Variants in MYO9A observed in about 807,000 individuals in gnomAD.
The protein encoded by MYO9A is unconventional myosin-IXa.
In MYO9A, 103 loss-of-function variants were observed where a neutral mutation model predicts 293.3. That is an observed-to-expected ratio of 0.35 (90% CI 0.30 to 0.41). The LOEUF (loss-of-function observed/expected upper bound fraction) is 0.41, where lower values mean the gene tolerates loss of function less well. Ranked by LOEUF, MYO9A falls within the 10% of genes least tolerant of loss-of-function variation. The probability of loss-of-function intolerance (pLI) is 1.00; values close to 1 mark genes in which losing one functional copy is unlikely to be tolerated. For synonymous variants in MYO9A, 1,001 were observed against 1,035.7 expected, an observed-to-expected ratio of 0.97 and a Z score of 0.64; for missense variants, 2,685 against 3,033.0, an observed-to-expected ratio of 0.89 and a Z score of 2.69.
chr15:72,003,077 C>G (rs1191004366), intron 8 of MYO9A, among the ~76,000 whole-genome samples: 1 of 151,754 alleles, frequency 6.6e-6, no homozygotes, highest in East Asian at 1.9e-4. Flanking sequence ...CGAGACCAGC[C>G]TGACCAATAT....
chr15:71,947,910 C>T (rs2058958574), intron 15 of MYO9A, among the ~76,000 whole-genome samples: 2 of 152,190 alleles, frequency 1.3e-5, no homozygotes, highest in South Asian at 2.1e-4. Flanking sequence ...TCTAGGGCTC[C>T]TGTCATTTCT....
chr15:72,028,218 A>AATATATATATATATAT lies in MYO9A; in HGVS notation c.936-441_936-426dup, dbSNP rs33914430. The stretch of plus-strand genomic sequence containing the variant: ...TCTCAAAAAAATAAATAAATAAATA[A>AATATATATATATATAT]ATATATATATATATATATATAAATA... On this transcript the variant is annotated intron_variant, in intron 3 of 41. Coordinates refer to ENST00000356056, the MANE Select transcript of MYO9A (RefSeq NM_006901.4). 6.0e-5 allele frequency among the ~76,000 whole-genome samples: 8 copies of AATATATATATATATAT among 134,240 alleles called. No homozygotes were observed. In the South Asian group the frequency reaches 9.4e-4, roughly 16 times the overall value. The allele number at this position is 134,240 out of a possible 152,430, so 88.1% of individuals were successfully genotyped here. A position where few individuals can be genotyped will look rare whatever the true frequency, so the allele number is the denominator to read the frequency against.
At chr15:71,884,727 A>G (rs906309602) in intron 27 of MYO9A, among the ~76,000 whole-genome samples, 6 of 152,118 alleles carry the variant, frequency 3.9e-5, no homozygotes, top group Admixed American at 6.6e-5. Flanking sequence ...TTATTTGTAA[A>G]TTAATTTATC....
chr15:72,117,923 G>A lies in MYO9A; in HGVS notation c.-315C>T, dbSNP rs545074339. On this transcript the variant is annotated 5_prime_UTR_variant, in exon 1 of 42. Transcript: ENST00000356056. Reference sequence around the variant, plus strand: ...CACATCCCCCGCCGCACCCCGCCCAGAGAGCACGCGTTGGACCGCCGCCTC... The same window carrying A: ...CACATCCCCCGCCGCACCCCGCCCAAAGAGCACGCGTTGGACCGCCGCCTC... 4 of 399,008 alleles carry A rather than the reference G, an allele frequency of 1.0e-5. No homozygotes were observed. Among genetic ancestry groups the A allele is most frequent in the African/African-American group, 8.2e-5 (4 of 48,722 alleles). The allele number at this position is 399,008 out of a possible 1,614,324, so 24.7% of individuals were successfully genotyped here. A position where few individuals can be genotyped will look rare whatever the true frequency, so the allele number is the denominator to read the frequency against.
intron 25 of MYO9A, 139 bp downstream of exon 25, chr15:71,897,322 A>G (rs1417783886): frequency 3.3e-6 from 3 of 915,344 alleles, no homozygotes; most frequent in Non-Finnish European, 4.9e-6. Context: ...TAGAGTCAAC[A>G]ATTAGGGAAT....
At position 72,075,319 on chromosome 15, in the gene MYO9A, T is replaced by C. The variant is rs534524044; in HGVS notation, c.-71-28685A>G. ...ACATATAATAAAAATTACAGGATAG[T>C]CAGTCATGAAAATGTGACTTATAGG... is the stretch of plus-strand genomic sequence containing the variant. On this transcript the variant is annotated intron_variant, in intron 1 of 41. Coordinates refer to ENST00000356056, the MANE Select transcript of MYO9A (RefSeq NM_006901.4). Among the ~76,000 whole-genome samples the C allele has an allele frequency of 1.2e-4, 18 of 152,140 alleles. No individual in the cohort carries two copies. The South Asian group carries it at 1.9e-3, about 16-fold the overall frequency.
chr15:71,933,283 A>G (rs1459932390), intron 18 of MYO9A, among the ~76,000 whole-genome samples: 1 of 152,162 alleles, frequency 6.6e-6, no homozygotes, highest in East Asian at 1.9e-4. Flanking sequence ...AAACCTGGCA[A>G]ACATTTATTA....
At chr15:72,057,263 C>T (rs2078748745) in intron 1 of MYO9A, among the ~76,000 whole-genome samples, 2 of 152,054 alleles carry the variant, frequency 1.3e-5, no homozygotes, top group African/African-American at 4.8e-5. Flanking sequence ...AGCAAGACTC[C>T]ATCTCAAAAA....
intron 8 of MYO9A, among the ~76,000 whole-genome samples, chr15:72,006,223 G>A (rs1246250808): frequency 1.3e-5 from 2 of 151,872 alleles, no homozygotes; most frequent in South Asian, 2.1e-4. Context: ...ACAGGTACAC[G>A]TCACCACGCC....
intron 1 of MYO9A, among the ~76,000 whole-genome samples, chr15:72,110,453 A>AG (rs2080742373): frequency 1.3e-5 from 2 of 150,892 alleles, no homozygotes; most frequent in South Asian, 4.1e-4. Flanking sequence ...AAAAAAAAAA[A>AG]AAAAAGAAAA....
intron 38 of MYO9A, 134 bp from the exon 39 acceptor site, chr15:71,849,102 G>C: frequency 1.1e-6 from 1 of 885,886 alleles, no homozygotes; most frequent in Non-Finnish European, 1.6e-6. Context: ...TAAACTCAGA[G>C]ACAAGGTTTA....
chr15:71,992,022 T>TG (rs1454639774), intron 10 of MYO9A, among the ~76,000 whole-genome samples: 2 of 152,152 alleles, frequency 1.3e-5, no homozygotes, highest in Non-Finnish European at 2.9e-5. Flanking sequence ...CCCAAAGTGC[T>TG]GGGATTACAG....
intron 14 of MYO9A, among the ~76,000 whole-genome samples, chr15:71,953,374 A>ATTGTAAAT (rs2059099564): frequency 6.6e-6 from 1 of 152,238 alleles, no homozygotes; most frequent in Non-Finnish European, 1.5e-5. Context: ...CTCCATTCAA[A>ATTGTAAAT]TTGTAAATTG....
chr15:72,030,841 C>T (rs1274627833), intron 3 of MYO9A, among the ~76,000 whole-genome samples: 1 of 152,056 alleles, frequency 6.6e-6, no homozygotes, highest in Non-Finnish European at 1.5e-5. Context: ...TACATACATA[C>T]CTATGACAAA....
intron 1 of MYO9A, among the ~76,000 whole-genome samples, chr15:72,111,052 G>A (rs1039520080): frequency 9.9e-5 from 15 of 151,974 alleles, no homozygotes; most frequent in African/African-American, 3.1e-4. Context: ...CCAGCTACTC[G>A]GGAGGCTGAG....
intron 1 of MYO9A, among the ~76,000 whole-genome samples, chr15:72,089,939 G>A (rs762087033): frequency 6.6e-6 from 1 of 152,172 alleles, no homozygotes; most frequent in South Asian, 2.1e-4. Flanking sequence ...GGCTTCGAGT[G>A]GGATATTAAA....
At chr15:72,026,450 T>C (rs775298361) in intron 4 of MYO9A, among the ~76,000 whole-genome samples, 1 of 151,226 alleles carries the variant, frequency 6.6e-6, no homozygotes, top group Non-Finnish European at 1.5e-5. Flanking sequence ...TGGAAAACAG[T>C]TGAAGCAGTG....
intron 21 of MYO9A, 57 bp downstream of exon 21, chr15:71,903,872 G>A: frequency 1.4e-6 from 2 of 1,390,380 alleles, no homozygotes; most frequent in East Asian, 2.3e-5. Context: ...AGCAAGATAT[G>A]TGGGAATCAT....
At chr15:71,879,574 C>A in intron 30 of MYO9A, 147 bp downstream of exon 30, 1 of 606,260 alleles carries the variant, frequency 1.6e-6, no homozygotes, top group Non-Finnish European at 2.9e-6. Flanking sequence ...AAACAAAAAC[C>A]ATTCATTTTC....
Sources: gnomAD v4.1 joint callset for allele counts (sites outside exome capture counted in the v4.1 genomes callset) on GRCh38, gnomAD v4.1.1 for gene constraint, MANE v1.5 for transcripts, NCBI Gene and HGNC (gene_info 2026-07-23, HGNC 2026-07-21) for gene names.